IGSF10: variants seen among roughly 807,000 people sequenced by gnomAD.
IGSF10 encodes the protein calvaria mechanical force protein 608.
IGSF10 carries 126 observed loss-of-function variants against 128.2 expected under a neutral mutation model. The ratio of observed to expected loss-of-function variants is 0.98; its 90% confidence interval spans 0.85 to 1.14. The LOEUF (loss-of-function observed/expected upper bound fraction) is 1.14, where lower values mean the gene tolerates loss of function less well. Ranked by LOEUF, IGSF10 falls within the 50% of genes most tolerant of loss-of-function variation. The pLI, the probability that IGSF10 is intolerant of heterozygous loss-of-function variation, is 0.00. For synonymous variants in IGSF10, 1,185 were observed against 1,146.2 expected, an observed-to-expected ratio of 1.03 and a Z score of -0.68; for missense variants, 3,295 against 3,149.8, an observed-to-expected ratio of 1.05 and a Z score of -1.10.
the IGSF10 span, among the ~76,000 whole-genome samples, chr3:151,579,890 G>A: frequency 6.6e-6 from 1 of 150,464 alleles, no homozygotes; most frequent in East Asian, 1.9e-4. Context: ...AAGGAAGGAA[G>A]GAAGGAAGGA....
chr3:151,496,530 T>A, the IGSF10 span, among the ~76,000 whole-genome samples: 7 of 97,642 alleles, frequency 7.2e-5, no homozygotes, highest in Non-Finnish European at 1.4e-4. Context: ...ATGAACTCAT[T>A]TTTTATGGCT....
the IGSF10 span, among the ~76,000 whole-genome samples, chr3:151,490,085 T>G: frequency 6.6e-6 from 1 of 152,206 alleles, no homozygotes; most frequent in Admixed American, 6.5e-5. Flanking sequence ...AATTCTCCAC[T>G]CAAGAGTAGC....
chr3:151,614,892 T>TA, the IGSF10 span, among the ~76,000 whole-genome samples: 17,242 of 123,182 alleles, frequency 0.14, 1,112 homozygotes, highest in Middle Eastern at 0.22. Context: ...ACAGAAACAG[T>TA]AAAAAAAAAA....
the IGSF10 span, among the ~76,000 whole-genome samples, chr3:151,609,392 G>A: frequency 6.6e-6 from 1 of 152,118 alleles, no homozygotes; most frequent in East Asian, 1.9e-4. Flanking sequence ...CCGATCTTCT[G>A]TACTTTTAAA....
At chr3:151,477,854 G>A in the IGSF10 span, among the ~76,000 whole-genome samples, 24 of 152,200 alleles carry the variant, frequency 1.6e-4, no homozygotes, top group Non-Finnish European at 2.1e-4. Flanking sequence ...CTCTGCTTTT[G>A]TAGGGAAAGC....
chr3:151,446,885 T>G lies in IGSF10; in HGVS notation c.3096A>C (p.Arg1032=). Residue 1032 remains arginine, a synonymous_variant, in exon 6 of 8, where the codon CGA becomes CGC. Transcript: ENST00000282466. The part of the protein sequence containing the change: ...IISPYRTPVL[R]RHRYSIFRST... Reference sequence around the variant, plus strand: ...ACCTGAAAATGCTGTATCTATGCCGTCGCAGAACTGGAGTTCTATATGGGC... The same window carrying G: ...ACCTGAAAATGCTGTATCTATGCCGGCGCAGAACTGGAGTTCTATATGGGC... 1 of 1,614,162 alleles carries G rather than the reference T, an allele frequency of 6.2e-7. No individual in the cohort carries two copies. The highest frequency in any genetic ancestry group is 1.1e-5 in the South Asian group (1 of 91,074).
chr3:151,575,130 C>T, the IGSF10 span, among the ~76,000 whole-genome samples: 1 of 152,184 alleles, frequency 6.6e-6, no homozygotes, highest in African/African-American at 2.4e-5. Flanking sequence ...AGAGGGGCAC[C>T]TGCCTGTATG....
Position 151,438,148 on chromosome 3 carries a change from G to A in IGSF10, c.6413C>T (p.Thr2138Ile), listed in dbSNP as rs902986418. 10 of 1,614,192 alleles carry A rather than the reference G, an allele frequency of 6.2e-6. No homozygotes were observed. The highest frequency in any genetic ancestry group is 1.7e-5 in the Admixed American group (1 of 60,016). ...ACTCTGCCTTATCCGGGGAGCAGCT[G>A]TTATAACTGTTAAGTGGACCTTCAT... is the stretch of plus-strand genomic sequence containing the variant. The part of the protein sequence containing the change: ...DEMKVHLTVI[T>I]AAPRIRQSNK... Residue 2138 changes from threonine (T) to isoleucine (I), a missense_variant, in exon 8 of 8, where the codon ACA becomes ATA. Thr to Ile is a moderately conservative substitution (Grantham distance 89). Coordinates refer to ENST00000282466, the MANE Select transcript of IGSF10 (RefSeq NM_178822.5).
rs755433128 is a variant in IGSF10, at chr3:151,445,433, C to T, written c.4548G>A (p.Gln1516=). Residue 1516 remains glutamine, a synonymous_variant, in exon 6 of 8, where the codon CAG becomes CAA. Coordinates refer to ENST00000282466, the MANE Select transcript of IGSF10 (RefSeq NM_178822.5). The part of the protein sequence containing the change: ...HESSRHNAKP[Q]QLVAEVATSP... ...ATGTTGCAACCTCTGCTACTAATTG[C>T]TGTGGTTTAGCATTGTGCCTTGAGG... is the stretch of plus-strand genomic sequence containing the variant. The T allele has an allele frequency of 1.4e-5, 23 of 1,614,210 alleles. No homozygotes were observed. The East Asian group carries it at 4.9e-4, about 34-fold the overall frequency.
the IGSF10 span, among the ~76,000 whole-genome samples, chr3:151,603,007 C>A: frequency 6.6e-6 from 1 of 152,176 alleles, no homozygotes; most frequent in African/African-American, 2.4e-5. Flanking sequence ...TTCTTCCCTG[C>A]AATTATTTCA....
chr3:151,605,733 GT>G, the IGSF10 span, among the ~76,000 whole-genome samples: 1 of 152,158 alleles, frequency 6.6e-6, no homozygotes, highest in Non-Finnish European at 1.5e-5. Flanking sequence ...ACAAAGCTAG[GT>G]TTTTCCATAG....
Position 151,445,206 on chromosome 3 carries a change from A to T in IGSF10, c.4775T>A (p.Val1592Glu). ...EIAEKGKKPE[V>E]SMLATTGLSE... The stretch of plus-strand genomic sequence containing the variant: ...CAGGCCTGTAGTAGCCAACATGCTT[A>T]CTTCTGGCTTTTTGCCTTTTTCAGC... Residue 1592 changes from valine to glutamate, a missense_variant, in exon 6 of 8, where the codon GTA (valine) becomes GAA (glutamate). By Grantham distance (121) the Val-to-Glu change is moderately radical (BLOSUM62 -2). Coordinates refer to ENST00000282466, the MANE Select transcript of IGSF10 (RefSeq NM_178822.5). 1 of 1,614,240 alleles carries T rather than the reference A, an allele frequency of 6.2e-7. No individual in the cohort carries two copies. Among genetic ancestry groups the T allele is most frequent in the Non-Finnish European group, 8.5e-7 (1 of 1,180,042 alleles).
chr3:151,479,408 A>G, the IGSF10 span, among the ~76,000 whole-genome samples: 1 of 152,210 alleles, frequency 6.6e-6, no homozygotes, highest in Non-Finnish European at 1.5e-5. Context: ...TTAATTAATT[A>G]ATTAAAATGT....
chr3:151,573,843 G>A, the IGSF10 span, among the ~76,000 whole-genome samples: 1 of 152,106 alleles, frequency 6.6e-6, no homozygotes, highest in African/African-American at 2.4e-5. Flanking sequence ...TTACAATTTG[G>A]CATGTTTTTG....
chr3:151,551,207 T>C, the IGSF10 span, among the ~76,000 whole-genome samples: 1 of 152,212 alleles, frequency 6.6e-6, no homozygotes, highest in Admixed American at 6.5e-5. Context: ...TAAACACAGA[T>C]GTTAACTCCC....
the IGSF10 span, among the ~76,000 whole-genome samples, chr3:151,592,852 TATC>T: frequency 2.0e-5 from 3 of 152,274 alleles, no homozygotes; most frequent in East Asian, 1.9e-4. Flanking sequence ...AAAGAACAAT[TATC>T]ATGAAATAGT....
chr3:151,500,450 C>T, the IGSF10 span, among the ~76,000 whole-genome samples: 3 of 152,104 alleles, frequency 2.0e-5, no homozygotes, highest in South Asian at 6.2e-4. Flanking sequence ...GCAAGCCCAT[C>T]CCAGAAATAA....
chr3:151,497,009 C>T, the IGSF10 span, among the ~76,000 whole-genome samples: 1 of 152,122 alleles, frequency 6.6e-6, no homozygotes, highest in African/African-American at 2.4e-5. Context: ...ATCCTTCACC[C>T]ACTTGTTGAT....
At chr3:151,546,188 ATC>A in the IGSF10 span, among the ~76,000 whole-genome samples, 1 of 151,972 alleles carries the variant, frequency 6.6e-6, no homozygotes, top group South Asian at 2.1e-4. Flanking sequence ...TTAAGCAAAA[ATC>A]TCTGTTGGCA....
Sources: gnomAD v4.1 joint callset for allele counts (sites outside exome capture counted in the v4.1 genomes callset) on GRCh38, gnomAD v4.1.1 for gene constraint, MANE v1.5 for transcripts, NCBI Gene and HGNC (gene_info 2026-07-23, HGNC 2026-07-21) for gene names.